The following VDAC1 variants were observed in gnomAD, a reference collection of about 807,000 sequenced individuals.
VDAC1 encodes voltage dependent anion channel 1, also known as non-selective voltage-gated ion channel VDAC1.
A neutral mutation model predicts 34.7 loss-of-function variants in VDAC1; 10 were observed. The ratio of observed to expected loss-of-function variants is 0.29; its 90% confidence interval spans 0.18 to 0.49. The LOEUF (loss-of-function observed/expected upper bound fraction) is 0.49. Ranked by LOEUF, VDAC1 falls within the 20% of genes least tolerant of loss-of-function variation. The pLI is 0.99. For synonymous variants in VDAC1, 130 were observed against 136.0 expected (o/e 0.96, Z 0.30); for missense variants, 230 against 347.9 (o/e 0.66, Z 2.69).
the VDAC1 span, among the ~76,000 whole-genome samples, chr5:134,051,429 T>C: frequency 6.6e-6 from 1 of 152,224 alleles, no homozygotes; most frequent in African/African-American, 2.4e-5. Flanking sequence ...ACAGAGTCAC[T>C]TGCATTTTGG....
At chr5:134,076,748 C>T in the VDAC1 span, among the ~76,000 whole-genome samples, 2 of 152,164 alleles carry the variant, frequency 1.3e-5, no homozygotes, top group South Asian at 4.2e-4. Flanking sequence ...AATATCATAC[C>T]ATCCAAAGAC....
At chr5:134,102,198 G>C in the VDAC1 span, among the ~76,000 whole-genome samples, 8 of 152,090 alleles carry the variant, frequency 5.3e-5, no homozygotes, top group South Asian at 2.1e-4. Context: ...CCGCCGCTCT[G>C]GGGGGACTCT....
Position 133,973,845 on chromosome 5 carries a change from T to C in VDAC1, c.706A>G (p.Lys236Glu), listed in dbSNP as rs1466327438. 6.2e-7 allele frequency: 1 copy of C among 1,612,672 alleles called. No homozygotes were observed. The highest frequency in any genetic ancestry group is 8.5e-7 in the Non-Finnish European group (1 of 1,179,636). The change falls in exon 8 of 9, where the codon AAA (lysine) becomes GAA (glutamate). Residue 236 changes from lysine (K) to glutamate (E), a missense_variant. Coordinates refer to ENST00000265333, the MANE Select transcript of VDAC1 (RefSeq NM_003374.3). ...CCTATCAGGCTGGAGTTGTTCACTT[T>C]AGCCTAATCAAGGAAATGACAAAAC... ...QIDPDACFSAKVNNSSLIGLG... is the reference protein window; with the variant it reads ...QIDPDACFSAEVNNSSLIGLG...
At chr5:134,069,011 T>TG in the VDAC1 span, among the ~76,000 whole-genome samples, 22 of 108,056 alleles carry the variant, frequency 2.0e-4, no homozygotes, top group East Asian at 5.5e-4. Context: ...TGTGTGTGTG[T>TG]TCACGTGCGC....
At chr5:134,095,509 T>TC in the VDAC1 span, among the ~76,000 whole-genome samples, 15 of 151,326 alleles carry the variant, frequency 9.9e-5, no homozygotes, top group African/African-American at 3.4e-4. Context: ...AATAAATAAA[T>TC]AAATAAATAA....
At chr5:134,001,757 A>G (rs574277233) in intron 1 of VDAC1, among the ~76,000 whole-genome samples, 4 of 151,284 alleles carry the variant, frequency 2.6e-5, no homozygotes, top group African/African-American at 7.3e-5. Context: ...ACTGAGGCAC[A>G]AGACAGTGAC....
the VDAC1 span, among the ~76,000 whole-genome samples, chr5:134,110,169 A>G: frequency 1.3e-5 from 2 of 152,224 alleles, no homozygotes; most frequent in African/African-American, 4.8e-5. Context: ...CTCTTCTCAT[A>G]ATTTGCCCAT....
chr5:133,994,003 T>C (rs1753203246), intron 1 of VDAC1, among the ~76,000 whole-genome samples: 2 of 152,196 alleles, frequency 1.3e-5, no homozygotes, highest in African/African-American at 4.8e-5. Context: ...CCAGAATCAT[T>C]AGTCTCAACC....
At chr5:133,973,757 TAAAG>T (rs773999034) in intron 8 of VDAC1, 30 bp downstream of exon 8, 188 of 1,599,380 alleles carry the variant, frequency 1.2e-4, no homozygotes, top group African/African-American at 1.5e-4. Context: ...TTTTTTAAGA[TAAAG>T]AACCGATTTC....
the VDAC1 span, among the ~76,000 whole-genome samples, chr5:134,044,775 T>A: frequency 6.6e-6 from 1 of 152,202 alleles, no homozygotes; most frequent in African/African-American, 2.4e-5. Flanking sequence ...CTGAATTATT[T>A]ATTCATTCAG....
the VDAC1 span, among the ~76,000 whole-genome samples, chr5:134,042,357 C>A: frequency 6.6e-6 from 1 of 152,214 alleles, no homozygotes; most frequent in African/African-American, 2.4e-5. Flanking sequence ...CGGCCCCCAC[C>A]CATCCTGTCT....
chr5:134,035,729 C>T, the VDAC1 span, among the ~76,000 whole-genome samples: 871 of 152,240 alleles, frequency 5.7e-3, 8 homozygotes, highest in African/African-American at 0.02. Context: ...TTGCCAGGCC[C>T]GGCCTTGTGG....
chr5:134,078,974 T>G, the VDAC1 span, among the ~76,000 whole-genome samples: 1 of 148,858 alleles, frequency 6.7e-6, no homozygotes, highest in Non-Finnish European at 1.5e-5. Context: ...CCCCCTCCTT[T>G]TTTTTTTTCT....
the VDAC1 span, among the ~76,000 whole-genome samples, chr5:134,068,598 T>TAA: frequency 6.6e-6 from 1 of 152,316 alleles, no homozygotes; most frequent in South Asian, 2.1e-4. Flanking sequence ...TTCTTTTTTC[T>TAA]GTGGTTTCTT....
At chr5:133,976,058 G>T (rs771711462) in intron 6 of VDAC1, 37 bp from the exon 7 acceptor site, 2 of 1,613,366 alleles carry the variant, frequency 1.2e-6, no homozygotes, top group South Asian at 2.2e-5. Context: ...GAGCTTCCCA[G>T]GGAGGTGAGC....
rs547409462 is a variant in VDAC1, at chr5:133,998,965, G to GC, written c.-7+5929dup. Among the ~76,000 whole-genome samples, 172 of 152,190 alleles carry GC rather than the reference G, an allele frequency of 1.1e-3. 1 individual carries two copies. The highest frequency in any genetic ancestry group is 3.4e-3 in the Middle Eastern group (1 of 294). ...GGTTCCTGCACTAAGCACCTACCAG[G>GC]CCCCCGCCTGGTAGAAATATGCTCT... is the stretch of plus-strand genomic sequence containing the variant. On this transcript the variant is annotated intron_variant, in intron 1 of 8. Transcript: ENST00000265333.
chr5:134,071,394 CCG>C, the VDAC1 span, among the ~76,000 whole-genome samples: 1 of 152,210 alleles, frequency 6.6e-6, no homozygotes, highest in Non-Finnish European at 1.5e-5. The surrounding 1 kb of genome is among the most constrained non-coding windows in gnomAD (Gnocchi z 4.1). Context: ...CTGGGCCCAG[CCG>C]CGCCAGCTGT....
chr5:134,089,855 G>C, the VDAC1 span, among the ~76,000 whole-genome samples: 1 of 152,164 alleles, frequency 6.6e-6, no homozygotes, highest in Non-Finnish European at 1.5e-5. Flanking sequence ...AGCCAGGCAT[G>C]GTGGCGCATG....
chr5:134,049,970 C>G, the VDAC1 span, among the ~76,000 whole-genome samples: 3 of 152,142 alleles, frequency 2.0e-5, no homozygotes, highest in Non-Finnish European at 4.4e-5. Context: ...TCCACCACCG[C>G]CCAGGCGCGG....
Sources: gnomAD v4.1 joint callset for allele counts (sites outside exome capture counted in the v4.1 genomes callset) on GRCh38, gnomAD v4.1.1 for gene constraint, Gnocchi (gnomAD v3.1) non-coding constraint, MANE v1.5 for transcripts, NCBI Gene and HGNC (gene_info 2026-07-23, HGNC 2026-07-21) for gene names.